The following CPA6 variants were observed in gnomAD, a reference collection of about 807,000 sequenced individuals.
The protein encoded by CPA6 is carboxypeptidase B.
Under a neutral mutation model 63.3 loss-of-function variants are expected in CPA6, and 58 were observed. That is an observed-to-expected ratio of 0.92 (90% CI 0.74 to 1.14). The LOEUF (loss-of-function observed/expected upper bound fraction) is 1.14. CPA6 is among the 50% of genes most tolerant of loss of function. The pLI, the probability that CPA6 is intolerant of heterozygous loss-of-function variation, is 0.00. For synonymous variants in CPA6, 185 were observed against 179.0 expected (o/e 1.03, Z -0.27); for missense variants, 565 against 526.6 (o/e 1.07, Z -0.71).
intron 2 of CPA6, among the ~76,000 whole-genome samples, chr8:67,562,721 T>C (rs1468171622): frequency 1.3e-5 from 2 of 152,166 alleles, no homozygotes; most frequent in Admixed American, 1.3e-4. Context: ...ACTTCTTCCA[T>C]GTAAGGACAC....
chr8:67,509,437 T>A lies in CPA6; in HGVS notation c.534+80A>T, dbSNP rs142201643. 262 of 672,990 alleles carry A rather than the reference T, an allele frequency of 3.9e-4. 1 individual carries two copies. The East Asian group carries it at 7.2e-3, about 19-fold the overall frequency. The allele number at this position is 672,990 out of a possible 1,614,324, so 41.7% of individuals were successfully genotyped here. ...AGACTCTATAAAAGATCATTTCATT[T>A]CTTTTCCCATAGGTTAAAGTTGAAA... On this transcript the variant is annotated intron_variant, in intron 5 of 10. Coordinates refer to ENST00000297770, the MANE Select transcript of CPA6 (RefSeq NM_020361.5).
rs71554611 is a variant in CPA6, at chr8:67,524,613, CT to C, written c.193-6567del. On this transcript the variant is annotated intron_variant, in intron 2 of 10. Coordinates refer to ENST00000297770, the MANE Select transcript of CPA6 (RefSeq NM_020361.5). Reference sequence around the variant, plus strand: ...AGATTCTTAAGTACATTTGAAAAAACTTTTTTTGTTTTTTTGCAAATCAGGT... The same window carrying C: ...AGATTCTTAAGTACATTTGAAAAAACTTTTTTGTTTTTTTGCAAATCAGGT... 8.7e-5 allele frequency among the ~76,000 whole-genome samples: 13 copies of C among 149,822 alleles called. No homozygotes were observed. In the East Asian group the frequency reaches 2.2e-3, roughly 25 times the overall value.
intron 1 of CPA6, among the ~76,000 whole-genome samples, chr8:67,742,588 GGTAA>G (rs1226747609): frequency 2.6e-5 from 4 of 152,066 alleles, no homozygotes; most frequent in Non-Finnish European, 5.9e-5. Flanking sequence ...ATTAAGTCTT[GGTAA>G]GTATTTTACT....
At chr8:67,428,006 C>A in intron 10 of CPA6, 41 bp downstream of exon 10, 1 of 1,338,068 alleles carries the variant, frequency 7.5e-7, no homozygotes, top group Non-Finnish European at 1.1e-6. Context: ...GATATTGGTT[C>A]AAGAGAGAGG....
chr8:67,730,148 C>T (rs1817679916), intron 1 of CPA6, among the ~76,000 whole-genome samples: 1 of 152,234 alleles, frequency 6.6e-6, no homozygotes. Flanking sequence ...ACACAACTAC[C>T]TCCTACTTCA....
chr8:67,546,564 C>G (rs1453185845), intron 2 of CPA6, among the ~76,000 whole-genome samples: 1 of 152,212 alleles, frequency 6.6e-6, no homozygotes, highest in East Asian at 1.9e-4. Context: ...TTGTATACCA[C>G]TGTTTCTAAA....
At chr8:67,475,797 CTTT>C (rs1563967382) in intron 8 of CPA6, among the ~76,000 whole-genome samples, 85 of 41,072 alleles carry the variant, frequency 2.1e-3, no homozygotes, top group African/African-American at 3.4e-3. Context: ...TTCTTTCTTT[CTTT>C]CTTTCTTTCT....
chr8:67,741,125 G>T lies in CPA6; in HGVS notation c.116+4889C>A, dbSNP rs535220852. 7.9e-5 allele frequency among the ~76,000 whole-genome samples: 12 copies of T among 152,244 alleles called. No individual in the cohort carries two copies. The East Asian group carries it at 2.3e-3, about 30-fold the overall frequency. On this transcript the variant is annotated intron_variant, in intron 1 of 10. Coordinates refer to ENST00000297770, the MANE Select transcript of CPA6 (RefSeq NM_020361.5). Reference sequence around the variant, plus strand: ...TTCCCTGAGACACAAAGAAGAAGGGGGAAGAAACTGTCCCAAGACGTGAGA... The same window carrying T: ...TTCCCTGAGACACAAAGAAGAAGGGTGAAGAAACTGTCCCAAGACGTGAGA...
At chr8:67,587,006 A>C (rs1209008159) in intron 2 of CPA6, among the ~76,000 whole-genome samples, 1 of 152,214 alleles carries the variant, frequency 6.6e-6, no homozygotes, top group East Asian at 1.9e-4. Context: ...TATGTACTGG[A>C]GATTGAAACT....
chr8:67,471,763 C>T (rs1176836448), intron 8 of CPA6, among the ~76,000 whole-genome samples: 1 of 152,002 alleles, frequency 6.6e-6, no homozygotes, highest in Admixed American at 6.6e-5. Context: ...GTTTTAATAA[C>T]AGAAAAGTTA....
intron 2 of CPA6, among the ~76,000 whole-genome samples, chr8:67,525,962 T>G (rs941610688): frequency 1.3e-5 from 2 of 152,112 alleles, no homozygotes; most frequent in Admixed American, 1.3e-4. Flanking sequence ...AGCCCAGATA[T>G]CACCACAATG....
chr8:67,722,099 G>C (rs1817512154), intron 1 of CPA6, among the ~76,000 whole-genome samples: 2 of 152,180 alleles, frequency 1.3e-5, no homozygotes, highest in Admixed American at 1.3e-4. Flanking sequence ...TAGCACTGGA[G>C]CCTCTCTGAA....
intron 2 of CPA6, among the ~76,000 whole-genome samples, chr8:67,606,679 C>T (rs1258011469): frequency 6.6e-6 from 1 of 152,184 alleles, no homozygotes; most frequent in Non-Finnish European, 1.5e-5. Context: ...ACAAAGACTC[C>T]CTGCTTTGGT....
intron 2 of CPA6, among the ~76,000 whole-genome samples, chr8:67,589,250 T>C (rs1340722952): frequency 6.6e-6 from 1 of 152,210 alleles, no homozygotes; most frequent in African/African-American, 2.4e-5. Context: ...ATTTATTTCT[T>C]AAAAAGGATT....
In CPA6 at chr8:67,644,279, T is replaced by C. The variant is rs905263538; in HGVS notation, c.117-20028A>G. The stretch of plus-strand genomic sequence containing the variant: ...GACTACAGGCGCCCGCCACCACGCC[T>C]GGCTAATGTTTTGTATTTTTAGTAG... On this transcript the variant is annotated intron_variant, in intron 1 of 10. Transcript: ENST00000297770. Among the ~76,000 whole-genome samples the C allele has an allele frequency of 5.3e-5, 8 of 152,166 alleles. No individual in the cohort carries two copies. The East Asian group carries it at 5.8e-4, about 11-fold the overall frequency.
At chr8:67,423,960 C>T (rs1245805209) in intron 10 of CPA6, among the ~76,000 whole-genome samples, 12 of 152,190 alleles carry the variant, frequency 7.9e-5, no homozygotes, top group Non-Finnish European at 1.5e-4. Context: ...CCTGTATTTA[C>T]AGTCACTCGC....
At chr8:67,502,410 C>T (rs1587498506) in intron 6 of CPA6, among the ~76,000 whole-genome samples, 1 of 152,168 alleles carries the variant, frequency 6.6e-6, no homozygotes, top group East Asian at 1.9e-4. Flanking sequence ...CTGCAGTGAG[C>T]CATAATCATG....
At chr8:67,632,117 T>A (rs79595095) in intron 1 of CPA6, among the ~76,000 whole-genome samples, 6,740 of 151,900 alleles carry the variant, frequency 0.044, 183 homozygotes, top group South Asian at 0.11. Flanking sequence ...GCATTTTTTT[T>A]AAACTTTTTG....
At chr8:67,472,335 C>T (rs1811076710) in intron 8 of CPA6, among the ~76,000 whole-genome samples, 4 of 151,664 alleles carry the variant, frequency 2.6e-5, no homozygotes, top group Admixed American at 2.6e-4. Flanking sequence ...GCTGCTTACT[C>T]ATTGACTTTG....
Sources: gnomAD v4.1 joint callset for allele counts (sites outside exome capture counted in the v4.1 genomes callset) on GRCh38, gnomAD v4.1.1 for gene constraint, MANE v1.5 for transcripts, NCBI Gene and HGNC (gene_info 2026-07-23, HGNC 2026-07-21) for gene names.